ADAMTSL1: variants seen among roughly 807,000 people sequenced by gnomAD.
ADAMTSL1 encodes the protein ADAMTS-like protein 1.
Under a neutral mutation model 201.8 loss-of-function variants are expected in ADAMTSL1, and 126 were observed. That is an observed-to-expected ratio of 0.62 (90% CI 0.54 to 0.72). The LOEUF is 0.72. ADAMTSL1 is among the 30% of genes least tolerant of loss of function. ADAMTSL1 has a pLI of 0.00. For missense variants in ADAMTSL1, 2,679 were observed against 2,277.8 expected, an observed-to-expected ratio of 1.18 and a Z score of -3.59; for synonymous variants, 1,121 against 903.4, an observed-to-expected ratio of 1.24 and a Z score of -4.32.
rs1163589029 is a variant in ADAMTSL1, at chr9:17,987,250, A to G, written c.87+80328A>G. Among the ~76,000 whole-genome samples, 7 of 152,264 alleles carry G rather than the reference A, an allele frequency of 4.6e-5. No individual in the cohort carries two copies. The South Asian group carries it at 8.3e-4, about 18-fold the overall frequency. On this transcript the variant is annotated intron_variant, in intron 1 of 29. Transcript: ENST00000680146. ...CTGGTATTACTATCGTAGTGTTCACATCTTGTTTCCTTGTCCTGATGGTAT... is the reference window on the plus strand; with the variant it reads ...CTGGTATTACTATCGTAGTGTTCACGTCTTGTTTCCTTGTCCTGATGGTAT...
Position 18,770,775 on chromosome 9 carries a change from G to C in ADAMTSL1, c.2391G>C (p.Trp797Cys). 6.2e-7 allele frequency: 1 copy of C among 1,613,740 alleles called. No homozygotes were observed. The highest frequency in any genetic ancestry group is 2.2e-5 in the East Asian group (1 of 44,884). The change falls in exon 17 of 29, where the codon TGG becomes TGC. Residue 797 changes from tryptophan (W) to cysteine (C), a missense_variant. By Grantham distance (215) the Trp-to-Cys change is radical (BLOSUM62 -2). Transcript: ENST00000380548. Reference sequence around the variant, plus strand: ...CCAGCGAGTGGCTTCTCTCAGACTGGACAGAGGTATGTATGTTCCTCCGAA... The same window carrying C: ...CCAGCGAGTGGCTTCTCTCAGACTGCACAGAGGTATGTATGTTCCTCCGAA... Reference protein sequence around the residue: ...DCPSEWLLSDWTECSTSCGEG... With the variant: ...DCPSEWLLSDCTECSTSCGEG...
chr9:18,646,223 T>G (rs1827802284), intron 7 of ADAMTSL1, among the ~76,000 whole-genome samples: 1 of 152,070 alleles, frequency 6.6e-6, no homozygotes, highest in Non-Finnish European at 1.5e-5. Flanking sequence ...TGCTTGTGAT[T>G]TTTGTACATT....
intron 7 of ADAMTSL1, among the ~76,000 whole-genome samples, chr9:18,647,335 C>A (rs1052553805): frequency 1.1e-4 from 17 of 149,738 alleles, no homozygotes; most frequent in Admixed American, 1.3e-4. Context: ...TTTCAAAAAA[C>A]CAGCTCCTGG....
intron 2 of ADAMTSL1, among the ~76,000 whole-genome samples, chr9:18,208,146 A>G (rs1353590324): frequency 1.3e-5 from 2 of 152,158 alleles, no homozygotes; most frequent in African/African-American, 4.8e-5. Context: ...AGTATCTTAC[A>G]TCTAGTAGGT....
At chr9:17,950,841 T>C (rs1827704834) in intron 1 of ADAMTSL1, among the ~76,000 whole-genome samples, 1 of 152,014 alleles carries the variant, frequency 6.6e-6, no homozygotes, top group African/African-American at 2.4e-5. Flanking sequence ...TAACAAACAC[T>C]ATAATAAATA....
upstream of ADAMTSL1, among the ~76,000 whole-genome samples, chr9:18,470,112 C>G (rs1821149413): frequency 6.6e-6 from 1 of 152,162 alleles, no homozygotes; most frequent in Non-Finnish European, 1.5e-5. Flanking sequence ...GAAAGTCAAA[C>G]AGCCTTTGAT....
intron 4 of ADAMTSL1, among the ~76,000 whole-genome samples, chr9:18,596,081 G>T (rs1824244841): frequency 6.6e-6 from 1 of 152,150 alleles, no homozygotes; most frequent in East Asian, 1.9e-4. Context: ...AGACAGTTTT[G>T]AAACTGAAAG....
chr9:18,129,381 G>C (rs775832200), intron 1 of ADAMTSL1, among the ~76,000 whole-genome samples: 19 of 152,192 alleles, frequency 1.2e-4, no homozygotes, highest in Non-Finnish European at 2.5e-4. Context: ...GCCCAGAGGG[G>C]AGTAATGGTT....
intron 1 of ADAMTSL1, among the ~76,000 whole-genome samples, chr9:18,119,850 C>T (rs1290715692): frequency 6.6e-6 from 1 of 152,098 alleles, no homozygotes; most frequent in African/African-American, 2.4e-5. Flanking sequence ...ATTGATAAAA[C>T]ATCCGAATCT....
intron 6 of ADAMTSL1, among the ~76,000 whole-genome samples, chr9:18,638,336 C>T (rs1249869769): frequency 6.6e-6 from 1 of 152,066 alleles, no homozygotes; most frequent in Admixed American, 6.6e-5. Context: ...AGAGCCCCAT[C>T]CAAGCACTCC....
At chr9:18,783,503 T>A (rs1821524697) in intron 19 of ADAMTSL1, among the ~76,000 whole-genome samples, 1 of 152,224 alleles carries the variant, frequency 6.6e-6, no homozygotes, top group Non-Finnish European at 1.5e-5. Flanking sequence ...GTTTGCTTTG[T>A]CAGCTCTAGA....
intron 15 of ADAMTSL1, among the ~76,000 whole-genome samples, chr9:18,741,587 A>T (rs1429603159): frequency 6.6e-6 from 1 of 152,256 alleles, no homozygotes; most frequent in African/African-American, 2.4e-5. Context: ...TGGGGCTTCC[A>T]TAACAAACAA....
At chr9:18,249,999 A>G (rs1440976960) in intron 2 of ADAMTSL1, among the ~76,000 whole-genome samples, 1 of 152,230 alleles carries the variant, frequency 6.6e-6, no homozygotes, top group Non-Finnish European at 1.5e-5. Flanking sequence ...TAGCATGCTA[A>G]TGCTTACCTG....
At chr9:17,959,115 G>C (rs1817616312) in intron 1 of ADAMTSL1, among the ~76,000 whole-genome samples, 1 of 152,136 alleles carries the variant, frequency 6.6e-6, no homozygotes, top group Admixed American at 6.6e-5. Context: ...AGTTTGAAAT[G>C]TAAAAAGGAA....
At chr9:18,325,706 GC>G (rs138275534) in intron 2 of ADAMTSL1, among the ~76,000 whole-genome samples, 6,216 of 151,870 alleles carry the variant, frequency 0.041, 425 homozygotes, top group African/African-American at 0.14. Flanking sequence ...GTGTAAGCTA[GC>G]TAGGTGTTGC....
intron 2 of ADAMTSL1, among the ~76,000 whole-genome samples, chr9:18,208,855 C>A (rs898903326): frequency 1.3e-5 from 2 of 152,124 alleles, no homozygotes; most frequent in Non-Finnish European, 2.9e-5. Flanking sequence ...TTTACCTATG[C>A]CTCTTTCTGG....
chr9:18,565,764 C>T (rs1020828232), intron 3 of ADAMTSL1, among the ~76,000 whole-genome samples: 9 of 152,282 alleles, frequency 5.9e-5, no homozygotes, highest in South Asian at 2.1e-4. Flanking sequence ...ACTGTCTAGA[C>T]AGGGCAGCAA....
chr9:18,253,801 C>A (rs1019077795), intron 2 of ADAMTSL1, among the ~76,000 whole-genome samples: 1 of 152,180 alleles, frequency 6.6e-6, no homozygotes, highest in South Asian at 2.1e-4. Flanking sequence ...CCTTAAATAA[C>A]AATTCCACTA....
At chr9:18,178,783 G>A (rs189278116) in intron 2 of ADAMTSL1, among the ~76,000 whole-genome samples, 22 of 152,254 alleles carry the variant, frequency 1.4e-4, no homozygotes, top group South Asian at 6.2e-4. Flanking sequence ...ACCTCACATG[G>A]CCAGGTACTC....
Sources: allele counts gnomAD v4.1 joint callset (sites outside exome capture counted in the v4.1 genomes callset), GRCh38; gene constraint gnomAD v4.1.1; transcripts MANE v1.5; gene names NCBI Gene and HGNC (gene_info 2026-07-23, HGNC 2026-07-21).